GRIN3A: variants seen among roughly 807,000 people sequenced by gnomAD.
The protein encoded by GRIN3A is glutamate receptor ionotropic, NMDA 3A.
GRIN3A carries 47 observed loss-of-function variants against 92.4 expected under a neutral mutation model. The observed-to-expected ratio is 0.51, with a 90% confidence interval of 0.40 to 0.65. GRIN3A has a LOEUF of 0.65. Among genes scored for constraint, GRIN3A ranks in the 30% least tolerant of loss-of-function variants. GRIN3A has a pLI of 0.00. For synonymous variants in GRIN3A, 527 were observed against 540.6 expected (o/e 0.97, Z 0.35); for missense variants, 1,324 against 1,393.1 (o/e 0.95, Z 0.79).
At chr9:101,731,408 G>T (rs1376694294) in intron 1 of GRIN3A, among the ~76,000 whole-genome samples, 1 of 152,118 alleles carries the variant, frequency 6.6e-6, no homozygotes, top group Non-Finnish European at 1.5e-5. Context: ...TTGTGAAAAA[G>T]CCTTGAAAAA....
chr9:101,660,352 C>T (rs1829157107), intron 3 of GRIN3A, among the ~76,000 whole-genome samples: 1 of 151,818 alleles, frequency 6.6e-6, no homozygotes, highest in Non-Finnish European at 1.5e-5. Flanking sequence ...TCTGGGTCAC[C>T]TTTGGACATA....
intron 3 of GRIN3A, among the ~76,000 whole-genome samples, chr9:101,639,865 A>C (rs1439847171): frequency 6.6e-6 from 1 of 152,192 alleles, no homozygotes; most frequent in Non-Finnish European, 1.5e-5. Context: ...ATCATCAGAC[A>C]AACAGAAAGA....
intron 5 of GRIN3A, among the ~76,000 whole-genome samples, chr9:101,622,770 GCTTT>G (rs1273855148): frequency 1.3e-5 from 2 of 152,010 alleles, no homozygotes; most frequent in African/African-American, 2.4e-5. Context: ...ATGTCCCTGG[GCTTT>G]CTTGTTTATC....
At chr9:101,577,224 A>G (rs1269470045) in intron 8 of GRIN3A, among the ~76,000 whole-genome samples, 1 of 152,168 alleles carries the variant, frequency 6.6e-6, no homozygotes, top group Non-Finnish European at 1.5e-5. Flanking sequence ...TATTTCCAAT[A>G]CTCTGTTCCT....
intron 1 of GRIN3A, among the ~76,000 whole-genome samples, chr9:101,732,780 T>C (rs749028049): frequency 6.6e-6 from 1 of 152,200 alleles, no homozygotes; most frequent in Non-Finnish European, 1.5e-5. Flanking sequence ...CTATAACTTT[T>C]CCAAAGTACT....
chr9:101,677,217 C>T (rs1308314649), intron 2 of GRIN3A, among the ~76,000 whole-genome samples: 1 of 151,896 alleles, frequency 6.6e-6, no homozygotes, highest in African/African-American at 2.4e-5. Flanking sequence ...AGGGCTTTCC[C>T]CTAAACTCTC....
intron 1 of GRIN3A, among the ~76,000 whole-genome samples, chr9:101,714,600 C>G (rs1354992515): frequency 1.3e-5 from 2 of 152,094 alleles, no homozygotes; most frequent in African/African-American, 2.4e-5. Context: ...TGGATATAAA[C>G]TATTTGGCCA....
At chr9:101,637,593 A>G (rs1828802683) in intron 3 of GRIN3A, among the ~76,000 whole-genome samples, 1 of 152,214 alleles carries the variant, frequency 6.6e-6, no homozygotes, top group East Asian at 1.9e-4. Context: ...AGTACTTCCC[A>G]TATTTCAAGC....
At chr9:101,619,078 A>G (rs1408914783) in intron 5 of GRIN3A, among the ~76,000 whole-genome samples, 2 of 152,240 alleles carry the variant, frequency 1.3e-5, no homozygotes, top group Non-Finnish European at 2.9e-5. Context: ...TATTAAGCTA[A>G]GAGTGGTGGA....
chr9:101,686,493 A>G, intron 2 of GRIN3A, 103 bp downstream of exon 2: 3 of 1,250,322 alleles, frequency 2.4e-6, no homozygotes, highest in Middle Eastern at 1.9e-4. Flanking sequence ...TTAAAGTTTA[A>G]AGCTACTCAG....
chr9:101,716,539 A>C (rs1462695632), intron 1 of GRIN3A, among the ~76,000 whole-genome samples: 2 of 152,106 alleles, frequency 1.3e-5, no homozygotes, highest in Non-Finnish European at 2.9e-5. Context: ...TATCTTTTAG[A>C]GCCTTTTTTC....
chr9:101,589,754 A>C (rs1481131829), intron 6 of GRIN3A, among the ~76,000 whole-genome samples: 1 of 152,018 alleles, frequency 6.6e-6, no homozygotes, highest in African/African-American at 2.4e-5. Context: ...ATTATTGTAC[A>C]TTTTTCTACT....
In GRIN3A at chr9:101,569,696, GATAGTAAAGTAGT is replaced by G. The variant is rs1367038174; in HGVS notation, c.*3465_*3477del. ...AAGAAAGGAATAACTAAACAGTATA[GATAGTAAAGTAGT>G]ATTAATGCCTAGAAAGCAATTTCTG... On this transcript the variant is annotated 3_prime_UTR_variant, in exon 9 of 9. Transcript: ENST00000361820. 6.6e-6 allele frequency: 1 copy of G among 152,196 alleles called. No homozygotes were observed. Among genetic ancestry groups the G allele is most frequent in the Non-Finnish European group, 1.5e-5 (1 of 68,032 alleles). 9.4% of individuals were successfully genotyped at this position (152,196 alleles called of 1,614,324 possible).
intron 1 of GRIN3A, among the ~76,000 whole-genome samples, chr9:101,734,087 A>G (rs1002431178): frequency 3.3e-5 from 5 of 152,186 alleles, no homozygotes; most frequent in Non-Finnish European, 7.3e-5. Flanking sequence ...TATGAAGTTA[A>G]GGTGAGGTGT....
At chr9:101,698,352 T>A (rs1188733772) in intron 1 of GRIN3A, among the ~76,000 whole-genome samples, 1 of 152,206 alleles carries the variant, frequency 6.6e-6, no homozygotes, top group Non-Finnish European at 1.5e-5. Context: ...AAGACTATTA[T>A]TACATTTCCT....
At chr9:101,707,499 C>T (rs564608761) in intron 1 of GRIN3A, among the ~76,000 whole-genome samples, 1 of 152,294 alleles carries the variant, frequency 6.6e-6, no homozygotes, top group East Asian at 1.9e-4. Context: ...CATATGTCCT[C>T]TGAAGTATTC....
At chr9:101,646,026 T>G (rs1317350600) in intron 3 of GRIN3A, among the ~76,000 whole-genome samples, 2 of 151,830 alleles carry the variant, frequency 1.3e-5, no homozygotes, top group Non-Finnish European at 2.9e-5. Flanking sequence ...TTTGCCTCTT[T>G]GCTATATTGA....
chr9:101,657,563 T>C (rs758316369), intron 3 of GRIN3A, among the ~76,000 whole-genome samples: 2 of 151,916 alleles, frequency 1.3e-5, no homozygotes, highest in South Asian at 4.1e-4. Context: ...ATGAAGAGAT[T>C]TAACAGTGGG....
intron 4 of GRIN3A, 32 bp downstream of exon 4, chr9:101,628,224 T>A: frequency 6.2e-7 from 1 of 1,612,640 alleles, no homozygotes; most frequent in Non-Finnish European, 8.5e-7. Context: ...TCAGTGAGAA[T>A]TTTTCTTTGG....
Sources: allele counts gnomAD v4.1 joint callset (sites outside exome capture counted in the v4.1 genomes callset), GRCh38; gene constraint gnomAD v4.1.1; transcripts MANE v1.5; gene names NCBI Gene and HGNC (gene_info 2026-07-23, HGNC 2026-07-21).